The following WBP1L variants were observed in gnomAD, a reference collection of about 807,000 sequenced individuals.
WBP1L encodes the protein WW domain binding protein 1 like, also known as WW domain binding protein 1-like.
WBP1L carries 17 observed loss-of-function variants against 33.7 expected under a neutral mutation model. The observed-to-expected ratio is 0.50, with a 90% confidence interval of 0.34 to 0.76. The LOEUF (loss-of-function observed/expected upper bound fraction) is 0.76, where lower values mean the gene tolerates loss of function less well. Among genes scored for constraint, WBP1L ranks in the 30% least tolerant of loss-of-function variants. The probability of loss-of-function intolerance (pLI) is 0.01; values close to 1 mark genes in which losing one functional copy is unlikely to be tolerated. For missense variants in WBP1L, 389 were observed against 469.4 expected, an observed-to-expected ratio of 0.83 and a Z score of 1.58; for synonymous variants, 173 against 190.8, an observed-to-expected ratio of 0.91 and a Z score of 0.77.
At chr10:102,801,176 T>G (rs1274714317) in intron 2 of WBP1L, among the ~76,000 whole-genome samples, 1 of 152,158 alleles carries the variant, frequency 6.6e-6, no homozygotes, top group Non-Finnish European at 1.5e-5. Flanking sequence ...TGGGCCTGCA[T>G]GTGTTGAGAA....
At chr10:102,797,279 A>G (rs1467804887) in intron 1 of WBP1L, among the ~76,000 whole-genome samples, 1 of 152,236 alleles carries the variant, frequency 6.6e-6, no homozygotes, top group Non-Finnish European at 1.5e-5. Flanking sequence ...TTATTCCAGG[A>G]AGTTTCACAG....
chr10:102,764,948 A>G (rs772555962), intron 1 of WBP1L, among the ~76,000 whole-genome samples: 3 of 152,142 alleles, frequency 2.0e-5, no homozygotes, highest in Non-Finnish European at 4.4e-5. Context: ...GCTTCCTTCT[A>G]TTTCTCCAAA....
chr10:102,796,572 C>T (rs898361182), intron 1 of WBP1L, among the ~76,000 whole-genome samples: 2 of 152,184 alleles, frequency 1.3e-5, no homozygotes, highest in Admixed American at 6.5e-5. Flanking sequence ...GGCAGCTGTC[C>T]GCCGGATGTG....
At chr10:102,788,506 T>A (rs1473597005) in intron 1 of WBP1L, among the ~76,000 whole-genome samples, 29 of 152,332 alleles carry the variant, frequency 1.9e-4, no homozygotes, top group Non-Finnish European at 1.5e-5. Flanking sequence ...TCTAAGGACC[T>A]GGGCTTGAAA....
chr10:102,755,768 G>A (rs1185298595), intron 1 of WBP1L, among the ~76,000 whole-genome samples: 6 of 152,102 alleles, frequency 3.9e-5, no homozygotes, highest in East Asian at 1.9e-4. Flanking sequence ...AATGTTGGCC[G>A]GGCGCGGTGG....
intron 1 of WBP1L, chr10:102,776,286 C>G: frequency 6.2e-7 from 1 of 1,610,184 alleles, no homozygotes; most frequent in Admixed American, 1.7e-5. Flanking sequence ...GCCGGTGAAC[C>G]AGGACCACCG....
intron 2 of WBP1L, among the ~76,000 whole-genome samples, chr10:102,808,099 C>T (rs571592774): frequency 2.0e-4 from 30 of 152,008 alleles, no homozygotes; most frequent in African/African-American, 7.2e-4. Context: ...GGACAGCTTG[C>T]GCCCAGAAGG....
At chr10:102,757,882 C>A (rs1396736211) in intron 1 of WBP1L, among the ~76,000 whole-genome samples, 4 of 58,834 alleles carry the variant, frequency 6.8e-5, no homozygotes, top group South Asian at 9.1e-4. Context: ...GCCCTCCCCC[C>A]CCCCCTTTTT....
chr10:102,803,319 C>T (rs1242242806), intron 2 of WBP1L, among the ~76,000 whole-genome samples: 2 of 152,182 alleles, frequency 1.3e-5, no homozygotes, highest in African/African-American at 2.4e-5. Flanking sequence ...GCTTGAGCCT[C>T]CTAATGGGGA....
chr10:102,805,584 G>T (rs1033535693), intron 2 of WBP1L, among the ~76,000 whole-genome samples: 1 of 152,068 alleles, frequency 6.6e-6, no homozygotes, highest in Non-Finnish European at 1.5e-5. Flanking sequence ...CCTAACGGGA[G>T]AATGTACTTT....
At chr10:102,810,440 C>T (rs575134206) in intron 3 of WBP1L, among the ~76,000 whole-genome samples, 7 of 144,206 alleles carry the variant, frequency 4.9e-5, no homozygotes, top group Non-Finnish European at 1.1e-4. Flanking sequence ...CCTTTCCATC[C>T]CTCCCTCCCT....
chr10:102,798,617 G>A (rs1843606506), intron 2 of WBP1L, among the ~76,000 whole-genome samples: 1 of 152,160 alleles, frequency 6.6e-6, no homozygotes, highest in African/African-American at 2.4e-5. Context: ...GAGAGATGGG[G>A]TTTCACCGTA....
At chr10:102,795,160 G>T (rs1178884163) in intron 1 of WBP1L, among the ~76,000 whole-genome samples, 1 of 152,168 alleles carries the variant, frequency 6.6e-6, no homozygotes, top group Non-Finnish European at 1.5e-5. Flanking sequence ...TAGATGACAT[G>T]AGATATTCAA....
chr10:102,784,552 A>T (rs1019750110), intron 1 of WBP1L, among the ~76,000 whole-genome samples: 6 of 150,420 alleles, frequency 4.0e-5, no homozygotes, highest in Non-Finnish European at 7.4e-5. Context: ...CAGCCTCCCA[A>T]GTAGCTGGGA....
At chr10:102,746,152 A>C in intron 1 of WBP1L, 1 of 985,388 alleles carries the variant, frequency 1.0e-6, no homozygotes, top group African/African-American at 1.7e-5. Context: ...GGAGGTTCCT[A>C]CCAGGTCGTG....
chr10:102,809,676 T>G (rs543386277), intron 2 of WBP1L, among the ~76,000 whole-genome samples: 1 of 152,348 alleles, frequency 6.6e-6, no homozygotes, highest in Admixed American at 6.5e-5. Flanking sequence ...GTCATCATTC[T>G]TACATTCCTG....
rs74633057 is a variant in WBP1L at position 102,765,751 on chromosome 10, T to G, written c.90+21608T>G. 1.6e-3 allele frequency among the ~76,000 whole-genome samples: 243 copies of G among 152,266 alleles called. 3 individuals carry two copies. In the East Asian group the frequency reaches 0.038, roughly 24 times the overall value. The stretch of plus-strand genomic sequence containing the variant: ...GAAATGGCTTTGTTGAGTTTATGAG[T>G]TGCATGTAAGAAGTGAGTGGATTTT... On this transcript the variant is annotated intron_variant, in intron 1 of 3. Coordinates refer to ENST00000448841, the MANE Select transcript of WBP1L (RefSeq NM_001083913.2).
intron 1 of WBP1L, among the ~76,000 whole-genome samples, chr10:102,768,371 G>GTTTTTTTTTTTTTTTT (rs1192088947): frequency 4.1e-4 from 5 of 12,228 alleles, no homozygotes; most frequent in African/African-American, 2.2e-3. Flanking sequence ...TTAGTTTTTT[G>GTTTTTTTTTTTTTTTT]TTTTTTTTTT....
chr10:102,766,441 C>CAAAA (rs56812691), intron 1 of WBP1L, among the ~76,000 whole-genome samples: 1 of 57,448 alleles, frequency 1.7e-5, no homozygotes, highest in Non-Finnish European at 3.0e-5. Context: ...AACTCTGTCT[C>CAAAA]AAAAAAAAAA....
Sources: allele counts gnomAD v4.1 joint callset (sites outside exome capture counted in the v4.1 genomes callset), GRCh38; gene constraint gnomAD v4.1.1; transcripts MANE v1.5; gene names NCBI Gene and HGNC (gene_info 2026-07-23, HGNC 2026-07-21).